Variants in LATS2 observed in about 807,000 individuals in gnomAD.
LATS2 encodes large tumor suppressor kinase 2.
In LATS2, 24 loss-of-function variants were observed where a neutral mutation model predicts 76.0. The observed-to-expected ratio is 0.32, with a 90% CI of 0.23 to 0.44. LATS2 has a LOEUF of 0.44. Ranked by LOEUF, LATS2 falls within the 20% of genes least tolerant of loss-of-function variation. The probability of loss-of-function intolerance (pLI) is 1.00; values close to 1 mark genes in which losing one functional copy is unlikely to be tolerated. For synonymous variants in LATS2, 692 were observed against 635.4 expected, an observed-to-expected ratio of 1.09 and a Z score of -1.34; for missense variants, 1,286 against 1,481.2, an observed-to-expected ratio of 0.87 and a Z score of 2.16.
At chr13:21,037,969 G>A (rs1164976787) in intron 2 of LATS2, among the ~76,000 whole-genome samples, 4 of 152,188 alleles carry the variant, frequency 2.6e-5, no homozygotes, top group African/African-American at 7.2e-5. Flanking sequence ...TCAGAATGAG[G>A]GGGGCTAGAC....
Position 21,001,033 on chromosome 13 carries a change from C to T in LATS2, c.343-9629G>A, listed in dbSNP as rs566677131. Among the ~76,000 whole-genome samples the T allele has an allele frequency of 1.4e-4, 22 of 152,308 alleles. No homozygotes were observed. The South Asian group carries it at 2.7e-3, about 19-fold the overall frequency. On this transcript the variant is annotated intron_variant, in intron 2 of 7. Transcript: ENST00000382592. Reference sequence around the variant, plus strand: ...ATCAGACTCCATTAAAACAAAACTGCCTGTACTATCTAGCTACATAATTGT... The same window carrying T: ...ATCAGACTCCATTAAAACAAAACTGTCTGTACTATCTAGCTACATAATTGT...
At chr13:21,028,463 T>C (rs565583538) in intron 2 of LATS2, among the ~76,000 whole-genome samples, 2 of 152,336 alleles carry the variant, frequency 1.3e-5, no homozygotes, top group African/African-American at 4.8e-5. Context: ...ATTTTGATAT[T>C]TAATGTGATC....
chr13:20,982,364 C>T (rs1175636315), intron 5 of LATS2, among the ~76,000 whole-genome samples: 3 of 152,264 alleles, frequency 2.0e-5, no homozygotes, highest in Non-Finnish European at 4.4e-5. Context: ...CAGGCTGGGG[C>T]GCAATGGCGC....
intron 2 of LATS2, among the ~76,000 whole-genome samples, chr13:21,002,612 A>C (rs1871101284): frequency 6.6e-6 from 1 of 152,024 alleles, no homozygotes; most frequent in Non-Finnish European, 1.5e-5. Context: ...TCCTGAGCTC[A>C]AGCAATCTGC....
chr13:20,985,169 G>A (rs1475572719), intron 4 of LATS2, among the ~76,000 whole-genome samples: 1 of 152,150 alleles, frequency 6.6e-6, no homozygotes, highest in African/African-American at 2.4e-5. Context: ...AATAAGACCA[G>A]AGGCTATGAA....
chr13:21,036,112 T>C (rs1004561466), intron 2 of LATS2, among the ~76,000 whole-genome samples: 2 of 152,126 alleles, frequency 1.3e-5, no homozygotes, highest in Non-Finnish European at 2.9e-5. Flanking sequence ...GCCAGAGTGG[T>C]CTCGAACACC....
rs761234102 is a variant in LATS2 at position 20,991,238 on chromosome 13, A to G, written c.475+34T>C. The G allele has an allele frequency of 5.1e-5, 83 of 1,613,254 alleles. 5 individuals carry two copies. The highest frequency in any genetic ancestry group is 6.8e-6 in the Non-Finnish European group (8 of 1,179,586). The stretch of plus-strand genomic sequence containing the variant: ...TTTTGTTGTCCTTAAGCCACAAACC[A>G]TCTTTGCCCACTATGCTGCAGGCCT... On this transcript the variant is annotated intron_variant, in intron 3 of 7. Coordinates refer to ENST00000382592, the MANE Select transcript of LATS2 (RefSeq NM_014572.3). This position sits in a 1 kb window ranked among gnomAD's most constrained non-coding sequence, Gnocchi z 4.9.
At chr13:21,049,698 C>T (rs1342054430) in intron 1 of LATS2, among the ~76,000 whole-genome samples, 1 of 152,146 alleles carries the variant, frequency 6.6e-6, no homozygotes, top group Non-Finnish European at 1.5e-5. Context: ...GAGAAAGTTC[C>T]ATGTTAAAGC....
intron 7 of LATS2, among the ~76,000 whole-genome samples, chr13:20,977,445 A>G (rs895095158): frequency 1.3e-5 from 2 of 151,632 alleles, no homozygotes; most frequent in African/African-American, 4.8e-5. Context: ...GAAGCAGAAG[A>G]GAGGCGAGCA....
chr13:21,051,146 G>A (rs116156940), intron 1 of LATS2, among the ~76,000 whole-genome samples: 1 of 152,216 alleles, frequency 6.6e-6, no homozygotes, highest in African/African-American at 2.4e-5. Flanking sequence ...AAGTCTCCAA[G>A]CAGACTGCAC....
In LATS2 at chr13:20,983,810, T is replaced by C; in HGVS notation, c.1900-4A>G. 6.2e-7 allele frequency: 1 copy of C among 1,603,338 alleles called. No individual in the cohort carries two copies. Among genetic ancestry groups the C allele is most frequent in the South Asian group, 1.1e-5 (1 of 90,596 alleles). On this transcript the variant is annotated splice_polypyrimidine_tract_variant and splice_region_variant and intron_variant, in intron 4 of 7. Coordinates refer to ENST00000382592, the MANE Select transcript of LATS2 (RefSeq NM_014572.3). ...GCTCAGCTTCACAGAGTCCAGCCTGTGTAGAAGGAAAAGGAAGGAGGAAGA... is the reference window on the plus strand; with the variant it reads ...GCTCAGCTTCACAGAGTCCAGCCTGCGTAGAAGGAAAAGGAAGGAGGAAGA...
At chr13:20,975,716 C>T (rs995214219) in intron 7 of LATS2, among the ~76,000 whole-genome samples, 1 of 152,154 alleles carries the variant, frequency 6.6e-6, no homozygotes, top group Non-Finnish European at 1.5e-5. Context: ...TGGAGTCTCG[C>T]TGTGTTGCCC....
At chr13:21,011,905 T>G (rs572224) in intron 2 of LATS2, among the ~76,000 whole-genome samples, 38,897 of 152,196 alleles carry the variant, frequency 0.26, 5,353 homozygotes, top group African/African-American at 0.35. Flanking sequence ...AGTACAGTCC[T>G]CACTTAACAT....
chr13:20,998,648 C>G (rs643284), intron 2 of LATS2, among the ~76,000 whole-genome samples: 148,387 of 152,364 alleles, frequency 0.97, 72,396 homozygotes, highest in Middle Eastern at 1. Flanking sequence ...CGGGCCCAGG[C>G]CTCCTCTAAC....
At chr13:20,987,773 T>C (rs1371371440) in intron 4 of LATS2, 108 bp downstream of exon 4, 3 of 1,309,226 alleles carry the variant, frequency 2.3e-6, no homozygotes, top group African/African-American at 3.0e-5. Context: ...TTAGCCGTTT[T>C]GATGATAAGG....
intron 4 of LATS2, among the ~76,000 whole-genome samples, chr13:20,987,056 G>A (rs1007480532): frequency 5.9e-5 from 9 of 152,116 alleles, no homozygotes; most frequent in South Asian, 4.2e-4. Flanking sequence ...ATGGCCAGGC[G>A]TGGTGGTAGG....
chr13:21,020,585 G>A (rs1872016987), intron 2 of LATS2, among the ~76,000 whole-genome samples: 1 of 152,310 alleles, frequency 6.6e-6, no homozygotes, highest in Admixed American at 6.5e-5. Context: ...GGCCATAAAT[G>A]TTGTCCTGCT....
chr13:20,983,771 C>T lies in LATS2; in HGVS notation c.1935G>A (p.Arg645=). 3 of 1,613,384 alleles carry T rather than the reference C, an allele frequency of 1.9e-6. No homozygotes were observed. The highest frequency in any genetic ancestry group is 2.5e-6 in the Non-Finnish European group (3 of 1,179,912). ...GLCEAEQEQM[R]KILYQKESNY... ...TAGACTCTTTCTGGTAGAGGATCTT[C>T]CGCATCTGCTCCTGCTCAGCTTCAC... Residue 645 remains arginine (R), a synonymous_variant, in exon 5 of 8, where the codon CGG becomes CGA. Coordinates refer to ENST00000382592, the MANE Select transcript of LATS2 (RefSeq NM_014572.3).
At chr13:21,027,643 T>C (rs1319025011) in intron 2 of LATS2, among the ~76,000 whole-genome samples, 3 of 152,192 alleles carry the variant, frequency 2.0e-5, no homozygotes, top group East Asian at 1.9e-4. Flanking sequence ...CTACCCACAA[T>C]AGTCTGGTCC....
Sources: allele counts gnomAD v4.1 joint callset (sites outside exome capture counted in the v4.1 genomes callset), GRCh38; gene constraint gnomAD v4.1.1; non-coding constraint Gnocchi (gnomAD v3.1); transcripts MANE v1.5; gene names NCBI Gene and HGNC (gene_info 2026-07-23, HGNC 2026-07-21).